Variants in CPXM2 observed in about 807,000 individuals in gnomAD.
CPXM2 encodes the protein carboxypeptidase X, M14 family member 2.
CPXM2 carries 66 observed loss-of-function variants against 86.1 expected under a neutral mutation model. That is an observed-to-expected ratio of 0.77 (90% CI 0.63 to 0.94). CPXM2 has a LOEUF of 0.94. Among genes scored for constraint, CPXM2 ranks in the 40% least tolerant of loss-of-function variants. The pLI is 0.00. For missense variants in CPXM2, 948 were observed against 1,026.3 expected, an observed-to-expected ratio of 0.92 and a Z score of 1.04; for synonymous variants, 388 against 400.2, an observed-to-expected ratio of 0.97 and a Z score of 0.36.
intron 6 of CPXM2, among the ~76,000 whole-genome samples, chr10:123,786,267 G>A (rs1268286920): frequency 6.6e-6 from 1 of 152,218 alleles, no homozygotes. Context: ...AACCATGAGA[G>A]GCTCACTCAA....
At chr10:123,875,902 C>T (rs1391588457) in intron 2 of CPXM2, among the ~76,000 whole-genome samples, 3 of 149,240 alleles carry the variant, frequency 2.0e-5, no homozygotes, top group African/African-American at 4.9e-5. Flanking sequence ...CTTCAACCTC[C>T]GCCTCCTGGG....
intron 6 of CPXM2, among the ~76,000 whole-genome samples, chr10:123,789,835 G>A (rs950580505): frequency 6.6e-6 from 1 of 152,126 alleles, no homozygotes; most frequent in Non-Finnish European, 1.5e-5. Context: ...GAGAGCAGGG[G>A]TGGCCGGGTG....
chr10:123,868,866 C>G (rs189522010), intron 2 of CPXM2, among the ~76,000 whole-genome samples: 7 of 152,172 alleles, frequency 4.6e-5, no homozygotes, highest in African/African-American at 1.4e-4. Context: ...CCAAAGAACT[C>G]CAAAAGCATG....
chr10:123,863,091 A>G (rs918100303), intron 2 of CPXM2, among the ~76,000 whole-genome samples: 2 of 152,208 alleles, frequency 1.3e-5, no homozygotes, highest in Non-Finnish European at 2.9e-5. Context: ...TATATTGTGC[A>G]TGCTAATGAG....
At chr10:123,825,897 A>G (rs898642095) in intron 4 of CPXM2, among the ~76,000 whole-genome samples, 18 of 152,126 alleles carry the variant, frequency 1.2e-4, no homozygotes, top group African/African-American at 4.1e-4. Flanking sequence ...GTATATTACC[A>G]CAGAAACAGC....
intron 11 of CPXM2, among the ~76,000 whole-genome samples, chr10:123,757,693 A>G (rs1005109536): frequency 6.6e-6 from 1 of 152,236 alleles, no homozygotes; most frequent in African/African-American, 2.4e-5. Context: ...GCTATCATTC[A>G]TGAACACTAT....
chr10:123,940,922 A>G (rs1441127531), upstream of CPXM2, among the ~76,000 whole-genome samples: 1 of 152,202 alleles, frequency 6.6e-6, no homozygotes, highest in Non-Finnish European at 1.5e-5. Flanking sequence ...CTGTAATCCC[A>G]GCACTTTGGG....
chr10:123,795,308 A>G (rs542343075), intron 6 of CPXM2, among the ~76,000 whole-genome samples: 9 of 152,286 alleles, frequency 5.9e-5, no homozygotes, highest in Middle Eastern at 6.8e-3. Flanking sequence ...ATGGTAATTC[A>G]CTTTTCAGCT....
At chr10:123,770,575 G>A (rs892658806) in intron 8 of CPXM2, among the ~76,000 whole-genome samples, 1 of 152,224 alleles carries the variant, frequency 6.6e-6, no homozygotes, top group African/African-American at 2.4e-5. Flanking sequence ...AGCCATTAAT[G>A]ATCAGGGAAT....
At chr10:123,752,224 G>C in intron 13 of CPXM2, 1 of 985,312 alleles carries the variant, frequency 1.0e-6, no homozygotes, top group Non-Finnish European at 1.2e-6. Flanking sequence ...ATCTACATTT[G>C]CTGAATTAAT....
chr10:123,821,485 C>T (rs918819028), intron 4 of CPXM2, among the ~76,000 whole-genome samples: 1 of 152,250 alleles, frequency 6.6e-6, no homozygotes, highest in African/African-American at 2.4e-5. Flanking sequence ...CTTCTGATTC[C>T]AGCCCAAGGC....
chr10:123,884,706 C>T (rs887338314), intron 1 of CPXM2, among the ~76,000 whole-genome samples: 6 of 152,150 alleles, frequency 3.9e-5, no homozygotes, highest in Non-Finnish European at 7.3e-5. Flanking sequence ...ATCAAAATCC[C>T]ATGGCCCATC....
At chr10:123,932,954 A>G (rs186166645) in intron 2 of CPXM2, among the ~76,000 whole-genome samples, 1 of 152,252 alleles carries the variant, frequency 6.6e-6, no homozygotes, top group Non-Finnish European at 1.5e-5. Context: ...CTCCTGGAGC[A>G]CAACTTCAAA....
At position 123,880,255 on chromosome 10, in the gene CPXM2, T is replaced by C. The variant is rs760648493; in HGVS notation, c.359A>G (p.Asn120Ser). 1.9e-6 allele frequency: 3 copies of C among 1,599,316 alleles called. No individual in the cohort carries two copies. The highest frequency in any genetic ancestry group is 2.2e-5 in the South Asian group (2 of 90,764). The part of the protein sequence containing the change: ...MRTKSSEKAA[N>S]DDHSVRVARE... Reference sequence around the variant, plus strand: ...GGCCACACGGACACTGTGATCATCGTTGGCAGCCTTCTCAGAGCTCTTGGT... The same window carrying C: ...GGCCACACGGACACTGTGATCATCGCTGGCAGCCTTCTCAGAGCTCTTGGT... The change falls in exon 2 of 14, where the codon AAC becomes AGC. Residue 120 changes from asparagine to serine, a missense_variant. Coordinates refer to ENST00000241305, the MANE Select transcript of CPXM2 (RefSeq NM_198148.3).
Position 123,746,688 on chromosome 10 carries a change from T to G in CPXM2, c.*76A>C. On this transcript the variant is annotated 3_prime_UTR_variant, in exon 14 of 14. Transcript: ENST00000241305. ...GAATTACAGAGGAAACAACAGTGAG[T>G]GAGTCCACTATGGAGCTACTACCAG... 1 of 1,360,246 alleles carries G rather than the reference T, an allele frequency of 7.4e-7. No homozygotes were observed. The highest frequency in any genetic ancestry group is 1.0e-6 in the Non-Finnish European group (1 of 972,660). 84.3% of individuals were successfully genotyped at this position (1,360,246 alleles called of 1,614,324 possible). A position where few individuals can be genotyped will look rare whatever the true frequency, so the allele number is the denominator to read the frequency against.
intron 11 of CPXM2, among the ~76,000 whole-genome samples, chr10:123,761,487 T>C (rs1020368458): frequency 1.1e-4 from 16 of 152,168 alleles, no homozygotes; most frequent in African/African-American, 3.6e-4. Flanking sequence ...CTTCACTGGG[T>C]TGGGGTTTCT....
At chr10:123,771,116 A>T in intron 7 of CPXM2, 77 bp from the exon 8 acceptor site, 2 of 1,420,388 alleles carry the variant, frequency 1.4e-6, no homozygotes, top group Non-Finnish European at 1.9e-6. Context: ...AAGAAAACGG[A>T]CACCTCTTGC....
At chr10:123,824,594 T>C (rs1220025957) in intron 4 of CPXM2, among the ~76,000 whole-genome samples, 2 of 152,056 alleles carry the variant, frequency 1.3e-5, no homozygotes, top group African/African-American at 4.8e-5. Flanking sequence ...AGCAGGGAGA[T>C]TTGCTGCAGT....
intron 2 of CPXM2, among the ~76,000 whole-genome samples, chr10:123,926,203 G>A (rs1418719953): frequency 6.6e-6 from 1 of 152,244 alleles, no homozygotes; most frequent in Non-Finnish European, 1.5e-5. Flanking sequence ...CAGTGAAGAA[G>A]TGGGAACAAT....
Sources: allele counts gnomAD v4.1 joint callset (sites outside exome capture counted in the v4.1 genomes callset), GRCh38; gene constraint gnomAD v4.1.1; transcripts MANE v1.5; gene names NCBI Gene and HGNC (gene_info 2026-07-23, HGNC 2026-07-21).